The following MACROD2 variants were observed in gnomAD, a reference collection of about 807,000 sequenced individuals.
MACROD2 encodes the protein mono-ADP ribosylhydrolase 2, also known as ADP-ribose glycohydrolase MACROD2.
A neutral mutation model predicts 70.4 loss-of-function variants in MACROD2; 36 were observed. The ratio of observed to expected loss-of-function variants is 0.51; its 90% CI spans 0.39 to 0.68. The LOEUF (loss-of-function observed/expected upper bound fraction) is 0.68, where lower values mean the gene tolerates loss of function less well. Among genes scored for constraint, MACROD2 ranks in the 30% least tolerant of loss-of-function variants. MACROD2 has a pLI of 0.00. For missense variants in MACROD2, 496 were observed against 538.4 expected (o/e 0.92, Z 0.78); for synonymous variants, 172 against 178.8 (o/e 0.96, Z 0.30).
chr20:14,547,955 C>T (rs935977377), intron 4 of MACROD2, among the ~76,000 whole-genome samples: 2 of 152,182 alleles, frequency 1.3e-5, no homozygotes, highest in African/African-American at 2.4e-5. Context: ...AGTACCAGTC[C>T]TCCTGAGGGA....
intron 5 of MACROD2, among the ~76,000 whole-genome samples, chr20:15,073,466 AACACACACACACACAC>A (rs11468103): frequency 6.4e-4 from 92 of 144,054 alleles, no homozygotes; most frequent in South Asian, 1.6e-3. Flanking sequence ...TAATTCTCCC[AACACACACACACACAC>A]ACACACACAC....
chr20:14,910,214 T>G (rs2074010120), intron 5 of MACROD2, among the ~76,000 whole-genome samples: 1 of 152,216 alleles, frequency 6.6e-6, no homozygotes, highest in African/African-American at 2.4e-5. Context: ...TTCCTCTCTA[T>G]TCTTATATCA....
chr20:15,697,655 A>G (rs1480392600), intron 8 of MACROD2, among the ~76,000 whole-genome samples: 3 of 152,276 alleles, frequency 2.0e-5, no homozygotes, highest in Non-Finnish European at 4.4e-5. Context: ...AGTGGAGTAC[A>G]GAAGTCCCCC....
chr20:15,862,771 C>T lies in MACROD2; in HGVS notation c.672C>T (p.Phe224=), dbSNP rs2064442049. ...HEVDRIIFCV[F]LEVDFKIYKK... ...TGGATCGGATCATTTTCTGTGTCTTCTTAGAAGTTGACTTCAAAATCTACA... is the reference window on the plus strand; with the variant it reads ...TGGATCGGATCATTTTCTGTGTCTTTTTAGAAGTTGACTTCAAAATCTACA... The change falls in exon 9 of 18, where the codon TTC becomes TTT. Residue 224 remains phenylalanine, a synonymous_variant. Coordinates refer to ENST00000684519, the MANE Select transcript of MACROD2 (RefSeq NM_001351661.2). The T allele has an allele frequency of 6.2e-7, 1 of 1,612,190 alleles. No homozygotes were observed. The highest frequency in any genetic ancestry group is 1.7e-5 in the Admixed American group (1 of 59,718).
intron 8 of MACROD2, among the ~76,000 whole-genome samples, chr20:15,820,006 A>T (rs1018318294): frequency 2.6e-5 from 4 of 152,188 alleles, no homozygotes; most frequent in African/African-American, 7.2e-5. Flanking sequence ...TATGTATCCC[A>T]TAATATCATG....
chr20:14,503,370 G>A (rs2084934251), intron 4 of MACROD2, among the ~76,000 whole-genome samples: 1 of 152,118 alleles, frequency 6.6e-6, no homozygotes, highest in Admixed American at 6.6e-5. Context: ...AGCCCTCTGA[G>A]GTCAGTATAT....
chr20:14,128,119 A>G, intron 3 of MACROD2: 1 of 538,222 alleles, frequency 1.9e-6, no homozygotes, highest in Non-Finnish European at 3.7e-6. Context: ...TCACCAGAGA[A>G]GGTTGAAATC....
intron 4 of MACROD2, among the ~76,000 whole-genome samples, chr20:14,537,701 G>T (rs1051802551): frequency 6.6e-6 from 1 of 152,140 alleles, no homozygotes; most frequent in African/African-American, 2.4e-5. Flanking sequence ...TGTATAGAAT[G>T]TCTACTTCTG....
intron 3 of MACROD2, among the ~76,000 whole-genome samples, chr20:14,204,672 C>T (rs969104466): frequency 5.3e-5 from 8 of 152,176 alleles, no homozygotes; most frequent in East Asian, 1.9e-4. Context: ...GAACTGATCC[C>T]GGCCAGGCCA....
At chr20:14,600,591 A>C (rs1235332912) in intron 4 of MACROD2, among the ~76,000 whole-genome samples, 3 of 152,176 alleles carry the variant, frequency 2.0e-5, no homozygotes, top group Non-Finnish European at 4.4e-5. Context: ...ATTAACACCA[A>C]GACATTGTAT....
chr20:15,568,215 C>T (rs533303370), intron 8 of MACROD2, among the ~76,000 whole-genome samples: 40 of 152,292 alleles, frequency 2.6e-4, no homozygotes, highest in Non-Finnish European at 3.5e-4. Context: ...TTGAGAGTTT[C>T]GAGGAAATCT....
At chr20:14,253,600 C>T (rs961527519) in intron 3 of MACROD2, among the ~76,000 whole-genome samples, 1 of 151,918 alleles carries the variant, frequency 6.6e-6, no homozygotes, top group African/African-American at 2.4e-5. Flanking sequence ...ATTGTTATTA[C>T]CTCCAAGCCT....
intron 5 of MACROD2, among the ~76,000 whole-genome samples, chr20:15,216,071 A>T (rs926107472): frequency 1.3e-5 from 2 of 152,244 alleles, no homozygotes; most frequent in African/African-American, 4.8e-5. Context: ...AGGCATGGTG[A>T]AAGTTCAAAA....
chr20:14,151,811 C>CTTTTTTT (rs144065987), intron 3 of MACROD2, among the ~76,000 whole-genome samples: 7 of 59,214 alleles, frequency 1.2e-4, no homozygotes, highest in African/African-American at 1.4e-4. Flanking sequence ...TGTATTGTAT[C>CTTTTTTT]TTTTTTTTTT....
At chr20:14,264,891 G>A (rs932104988) in intron 3 of MACROD2, among the ~76,000 whole-genome samples, 1 of 152,188 alleles carries the variant, frequency 6.6e-6, no homozygotes, top group Non-Finnish European at 1.5e-5. Flanking sequence ...TTAGACAATT[G>A]ATAGATGAGA....
chr20:14,001,817 A>C (rs1044492648), intron 1 of MACROD2, among the ~76,000 whole-genome samples: 1 of 152,170 alleles, frequency 6.6e-6, no homozygotes, highest in Non-Finnish European at 1.5e-5. Context: ...GAAGTGCCAC[A>C]CACTTTCAAA....
intron 4 of MACROD2, among the ~76,000 whole-genome samples, chr20:14,631,255 C>G (rs1379861513): frequency 1.3e-5 from 2 of 152,062 alleles, no homozygotes; most frequent in South Asian, 2.1e-4. Flanking sequence ...CCCAGTTTAC[C>G]TGAGCTGGCA....
At chr20:14,543,408 C>A (rs6074754) in intron 4 of MACROD2, among the ~76,000 whole-genome samples, 17,931 of 152,152 alleles carry the variant, frequency 0.12, 1,519 homozygotes, top group Non-Finnish European at 0.16. Flanking sequence ...ATCTTTTAAG[C>A]TCCTATATGT....
chr20:14,666,329 G>A (rs1473910448), intron 4 of MACROD2, among the ~76,000 whole-genome samples: 1 of 152,094 alleles, frequency 6.6e-6, no homozygotes, highest in Non-Finnish European at 1.5e-5. Flanking sequence ...CAAATAATCA[G>A]TATTTTCTTC....
Sources: gnomAD v4.1 joint callset for allele counts (sites outside exome capture counted in the v4.1 genomes callset) on GRCh38, gnomAD v4.1.1 for gene constraint, MANE v1.5 for transcripts, NCBI Gene and HGNC (gene_info 2026-07-23, HGNC 2026-07-21) for gene names.